GRTP1: variants seen among roughly 807,000 people sequenced by gnomAD.
GRTP1 encodes the protein growth hormone-regulated TBC protein 1.
Under a neutral mutation model 38.1 loss-of-function variants are expected in GRTP1, and 56 were observed. That is an observed-to-expected ratio of 1.47 (90% CI 1.19 to 1.84). The LOEUF is 1.84. Among genes scored for constraint, GRTP1 ranks in the 40% most tolerant of loss-of-function variants. The pLI is 0.00. For missense variants in GRTP1, 506 were observed against 453.9 expected, an observed-to-expected ratio of 1.11 and a Z score of -1.04; for synonymous variants, 217 against 189.5, an observed-to-expected ratio of 1.14 and a Z score of -1.19.
intron 4 of GRTP1, among the ~76,000 whole-genome samples, chr13:113,347,710 G>C (rs1485026327): frequency 8.9e-6 from 1 of 112,498 alleles, no homozygotes; most frequent in East Asian, 2.2e-4. Flanking sequence ...CTGTGGCAGA[G>C]AGCAGACCCG....
intron 4 of GRTP1, among the ~76,000 whole-genome samples, chr13:113,345,970 A>C (rs980394657): frequency 2.0e-5 from 3 of 151,326 alleles, no homozygotes; most frequent in Non-Finnish European, 4.4e-5. Context: ...AAGCAGACCC[A>C]GGAGGACTTT....
Position 113,348,280 on chromosome 13 carries a change from C to T in GRTP1, c.465+2569G>A, listed in dbSNP as rs572236264. On this transcript the variant is annotated intron_variant, in intron 4 of 7. Coordinates refer to ENST00000375431, the MANE Select transcript of GRTP1 (RefSeq NM_024719.4). The surrounding 1 kb of genome is among the most constrained non-coding windows in gnomAD (Gnocchi z 4.8). ...CAGCCTGGGCAATGTGGCAAAACCC[C>T]GATCTCTACAAAACATACAAAAATT... 1.2e-4 allele frequency among the ~76,000 whole-genome samples: 19 copies of T among 152,234 alleles called. No individual in the cohort carries two copies. The highest frequency in any genetic ancestry group is 1.2e-3 in the South Asian group (6 of 4,828).
chr13:113,347,559 AG>A (rs1566432498), intron 4 of GRTP1, among the ~76,000 whole-genome samples: 11 of 37,528 alleles, frequency 2.9e-4, no homozygotes, highest in South Asian at 9.1e-4. Context: ...CCTCTGTGGC[AG>A]AGAGCAGACC....
At chr13:113,337,267 C>T (rs2042967229) in intron 5 of GRTP1, among the ~76,000 whole-genome samples, 1 of 152,154 alleles carries the variant, frequency 6.6e-6, no homozygotes, top group Non-Finnish European at 1.5e-5. Flanking sequence ...TGTACTCCAG[C>T]CTGGCAACAG....
intron 3 of GRTP1, among the ~76,000 whole-genome samples, chr13:113,351,311 C>G (rs966766325): frequency 1.3e-5 from 2 of 152,218 alleles, no homozygotes; most frequent in African/African-American, 4.8e-5. Context: ...CACCTCGGAC[C>G]TCGCGCGTAG....
chr13:113,342,113 T>C lies in GRTP1; in HGVS notation c.562+2750A>G, dbSNP rs1052845403. Among the ~76,000 whole-genome samples the C allele has an allele frequency of 6.6e-6, 1 of 152,178 alleles. No homozygotes were observed. Among genetic ancestry groups the C allele is most frequent in the Non-Finnish European group, 1.5e-5 (1 of 68,036 alleles). ...ATCTGCCACCACACCTGTCTAATTT[T>C]TGTATTTTTAGTGGAGGTGGGGTTT... On this transcript the variant is annotated intron_variant, in intron 5 of 7. Coordinates refer to ENST00000375431, the MANE Select transcript of GRTP1 (RefSeq NM_024719.4). The surrounding 1 kb of genome is among the most constrained non-coding windows in gnomAD (Gnocchi z 4.5).
intron 2 of GRTP1, among the ~76,000 whole-genome samples, chr13:113,362,467 T>G (rs970320803): frequency 6.6e-6 from 1 of 152,080 alleles, no homozygotes; most frequent in Non-Finnish European, 1.5e-5. Context: ...TTAACTTCCA[T>G]CTCTATAAAA....
At chr13:113,340,809 T>TA (rs2139438289) in intron 5 of GRTP1, among the ~76,000 whole-genome samples, 1 of 151,846 alleles carries the variant, frequency 6.6e-6, no homozygotes, top group East Asian at 2.0e-4. Context: ...AACAATAAAA[T>TA]AAAAACATTA....
At chr13:113,356,934 C>T (rs4362284) in intron 2 of GRTP1, among the ~76,000 whole-genome samples, 149,691 of 152,278 alleles carry the variant, frequency 0.98, 73,619 homozygotes, top group Middle Eastern at 1. Context: ...TCACTAAATA[C>T]GTGACGAATT....
At chr13:113,360,513 T>C (rs1277692707) in intron 2 of GRTP1, among the ~76,000 whole-genome samples, 2 of 152,176 alleles carry the variant, frequency 1.3e-5, no homozygotes, top group African/African-American at 4.8e-5. Context: ...ATTCCCATTT[T>C]TGGAATAACT....
intron 5 of GRTP1, among the ~76,000 whole-genome samples, chr13:113,333,164 G>A (rs896127207): frequency 6.6e-6 from 1 of 152,218 alleles, no homozygotes; most frequent in Non-Finnish European, 1.5e-5. Context: ...AGCCTGAGGC[G>A]CCGAGCTCGG....
chr13:113,326,701 G>A (rs1273231930), intron 5 of GRTP1, among the ~76,000 whole-genome samples: 2 of 152,048 alleles, frequency 1.3e-5, no homozygotes, highest in East Asian at 3.9e-4. Context: ...ATCTGCAGGT[G>A]GAAAAGAGAG....
intron 4 of GRTP1, among the ~76,000 whole-genome samples, chr13:113,345,370 C>T (rs1232935820): frequency 1.3e-5 from 2 of 152,256 alleles, no homozygotes; most frequent in East Asian, 3.8e-4. Context: ...CATGTGCTGA[C>T]ACGCGGGTGT....
intron 5 of GRTP1, among the ~76,000 whole-genome samples, chr13:113,340,511 G>C (rs563006204): frequency 1.7e-4 from 25 of 144,404 alleles, no homozygotes; most frequent in Admixed American, 5.4e-4. Flanking sequence ...AGGCGCTGTA[G>C]TTCACGCCTG....
chr13:113,330,639 TG>T lies in GRTP1; in HGVS notation c.563-4549del, dbSNP rs1377473847. On this transcript the variant is annotated intron_variant, in intron 5 of 7. Transcript: ENST00000375431. ...AGGTGTGTGCATGGGAGCCCAGGTGTGTGCATGGGAGCCCAGGTGTGTGCAT... is the reference window on the plus strand; with the variant it reads ...AGGTGTGTGCATGGGAGCCCAGGTGTTGCATGGGAGCCCAGGTGTGTGCAT... Among the ~76,000 whole-genome samples the T allele has an allele frequency of 1.7e-4, 22 of 127,950 alleles. 1 individual carries two copies. Among genetic ancestry groups the T allele is most frequent in the East Asian group, 2.7e-4 (1 of 3,664 alleles). The allele number at this position is 127,950 out of a possible 152,430, so 83.9% of individuals were successfully genotyped here. A position where few individuals can be genotyped will look rare whatever the true frequency, so the allele number is the denominator to read the frequency against.
At chr13:113,331,500 C>T (rs953659162) in intron 5 of GRTP1, among the ~76,000 whole-genome samples, 1 of 152,120 alleles carries the variant, frequency 6.6e-6, no homozygotes, top group Non-Finnish European at 1.5e-5. Context: ...CCAGCAGCTG[C>T]GCACCCCCAC....
chr13:113,348,135 T>C lies in GRTP1; in HGVS notation c.465+2714A>G, dbSNP rs1034598370. Among the ~76,000 whole-genome samples, 3 of 151,996 alleles carry C rather than the reference T, an allele frequency of 2.0e-5. No homozygotes were observed. Among genetic ancestry groups the C allele is most frequent in the African/African-American group, 7.3e-5 (3 of 41,356 alleles). ...CGACCATGTGGACAGTGTGGACACA[T>C]GGAAATGCAGGTGGGTGATCATCGT... On this transcript the variant is annotated intron_variant, in intron 4 of 7. Coordinates refer to ENST00000375431, the MANE Select transcript of GRTP1 (RefSeq NM_024719.4). This position sits in a 1 kb window ranked among gnomAD's most constrained non-coding sequence, Gnocchi z 4.8.
chr13:113,330,414 G>A (rs1156734501), intron 5 of GRTP1, among the ~76,000 whole-genome samples: 23 of 88,646 alleles, frequency 2.6e-4, no homozygotes, highest in East Asian at 1.1e-3. Flanking sequence ...ATGGAAACCC[G>A]GGTGTGTGCA....
At chr13:113,326,221 T>C (rs2042766398) in intron 5 of GRTP1, 130 bp from the exon 6 acceptor site, 4 of 1,151,330 alleles carry the variant, frequency 3.5e-6, no homozygotes, top group Non-Finnish European at 4.8e-6. Flanking sequence ...GGGACAAAGT[T>C]GGAGAGGAAG....
Sources: allele counts gnomAD v4.1 joint callset (sites outside exome capture counted in the v4.1 genomes callset), GRCh38; gene constraint gnomAD v4.1.1; non-coding constraint Gnocchi (gnomAD v3.1); transcripts MANE v1.5; gene names NCBI Gene and HGNC (gene_info 2026-07-23, HGNC 2026-07-21).